The following FSIP1 variants were observed in gnomAD, a reference collection of about 807,000 sequenced individuals.
FSIP1 encodes the protein fibrous sheath-interacting protein 1.
FSIP1 carries 65 observed loss-of-function variants against 60.9 expected under a neutral mutation model. The observed-to-expected ratio is 1.07, with a 90% CI of 0.87 to 1.31. The LOEUF (loss-of-function observed/expected upper bound fraction) is 1.31. Ranked by LOEUF, FSIP1 falls within the 40% of genes most tolerant of loss-of-function variation. The pLI is 0.00. For synonymous variants in FSIP1, 209 were observed against 221.2 expected, an observed-to-expected ratio of 0.94 and a Z score of 0.49; for missense variants, 675 against 665.5, an observed-to-expected ratio of 1.01 and a Z score of -0.16.
intron 10 of FSIP1, among the ~76,000 whole-genome samples, chr15:39,632,178 T>TTTG (rs1006405087): frequency 5.9e-5 from 9 of 152,192 alleles, no homozygotes; most frequent in East Asian, 5.8e-4. Context: ...TCTGATTTTC[T>TTTG]TTGTTGTTGT....
chr15:39,713,546 T>C lies in FSIP1; in HGVS notation c.1086A>G (p.Val362=), dbSNP rs1257376065. 3 of 1,605,678 alleles carry C rather than the reference T, an allele frequency of 1.9e-6. No homozygotes were observed. Among genetic ancestry groups the C allele is most frequent in the Admixed American group, 1.7e-5 (1 of 58,630 alleles). The change falls in exon 10 of 12, where the codon GTA becomes GTG. Residue 362 remains valine, a synonymous_variant. Transcript: ENST00000350221. The stretch of plus-strand genomic sequence containing the variant: ...TCCTAAGTATCTTTTCTCCTGGAGT[T>C]ACTTCCATATTTCTTTCACCATCAC... The part of the protein sequence containing the change: ...PDRDGERNME[V]TPGEKILRNT...
At chr15:39,606,655 A>C (rs1477748363) in intron 11 of FSIP1, among the ~76,000 whole-genome samples, 1 of 152,156 alleles carries the variant, frequency 6.6e-6, no homozygotes, top group African/African-American at 2.4e-5. Context: ...TGTTCACTCA[A>C]CAGGTCCAAC....
At chr15:39,697,258 C>A (rs1454600827) in intron 10 of FSIP1, among the ~76,000 whole-genome samples, 1 of 151,914 alleles carries the variant, frequency 6.6e-6, no homozygotes, top group Non-Finnish European at 1.5e-5. Context: ...CAAACAAAAA[C>A]AAAAACAAAA....
chr15:39,710,883 T>C (rs1387117827), intron 10 of FSIP1, among the ~76,000 whole-genome samples: 1 of 152,232 alleles, frequency 6.6e-6, no homozygotes, highest in African/African-American at 2.4e-5. Flanking sequence ...GGCTCATAGT[T>C]GGTATTCAAT....
intron 11 of FSIP1, among the ~76,000 whole-genome samples, chr15:39,615,545 A>G (rs935126117): frequency 1.3e-5 from 2 of 152,234 alleles, no homozygotes; most frequent in African/African-American, 2.4e-5. Flanking sequence ...AATGTAAATT[A>G]AAATCAAAAC....
chr15:39,654,305 CAGT>C (rs1366534194), intron 10 of FSIP1, among the ~76,000 whole-genome samples: 5 of 152,156 alleles, frequency 3.3e-5, no homozygotes, highest in African/African-American at 1.2e-4. Context: ...AATGACAGCA[CAGT>C]AGGTTTGTTT....
At chr15:39,705,622 C>G (rs903781041) in intron 10 of FSIP1, among the ~76,000 whole-genome samples, 1 of 151,868 alleles carries the variant, frequency 6.6e-6, no homozygotes, top group Non-Finnish European at 1.5e-5. Context: ...CGCCAATATA[C>G]GAATATATAT....
At chr15:39,617,266 C>T (rs905231692) in intron 11 of FSIP1, among the ~76,000 whole-genome samples, 2 of 152,042 alleles carry the variant, frequency 1.3e-5, no homozygotes, top group Non-Finnish European at 2.9e-5. Flanking sequence ...AACACTAGAT[C>T]GTGACGAAAC....
chr15:39,757,771 G>A (rs747929674), intron 5 of FSIP1, among the ~76,000 whole-genome samples: 30 of 152,044 alleles, frequency 2.0e-4, no homozygotes, highest in Non-Finnish European at 3.8e-4. Context: ...TCTTCATTTT[G>A]GTGAACTGGT....
intron 2 of FSIP1, among the ~76,000 whole-genome samples, chr15:39,775,040 C>G (rs62004808): frequency 0.45 from 68,456 of 151,986 alleles, 15,935 homozygotes; most frequent in Admixed American, 0.51. Flanking sequence ...AGGGGGAACA[C>G]AGTTTCACTC....
chr15:39,742,672 G>C (rs1303115305), intron 5 of FSIP1, among the ~76,000 whole-genome samples: 3 of 152,156 alleles, frequency 2.0e-5, no homozygotes, highest in African/African-American at 7.2e-5. Context: ...AGCAAACCAA[G>C]TTCAGACACC....
intron 10 of FSIP1, among the ~76,000 whole-genome samples, chr15:39,659,626 TTA>T (rs1893216683): frequency 7.5e-6 from 1 of 133,780 alleles, no homozygotes. Flanking sequence ...AGCTGTTATT[TTA>T]AAAAAAAAAA....
intron 8 of FSIP1, among the ~76,000 whole-genome samples, chr15:39,736,676 C>T (rs1896620776): frequency 6.6e-6 from 1 of 152,194 alleles, no homozygotes; most frequent in African/African-American, 2.4e-5. Context: ...AAAAAAACTA[C>T]GCTCTGAATC....
chr15:39,640,135 C>T (rs1366302153), intron 10 of FSIP1, among the ~76,000 whole-genome samples: 1 of 152,068 alleles, frequency 6.6e-6, no homozygotes, highest in African/African-American at 2.4e-5. Context: ...ACGCTTAGGA[C>T]CCCAAATAAT....
At chr15:39,700,435 T>C (rs1895010848) in intron 10 of FSIP1, among the ~76,000 whole-genome samples, 1 of 152,242 alleles carries the variant, frequency 6.6e-6, no homozygotes. Context: ...TCTATACTCT[T>C]AGCAGAGCAT....
chr15:39,767,413 T>C (rs887055811), intron 3 of FSIP1, among the ~76,000 whole-genome samples: 4 of 152,148 alleles, frequency 2.6e-5, no homozygotes, highest in African/African-American at 7.2e-5. Context: ...CTAATTTCAA[T>C]TATAATATCT....
At chr15:39,621,653 T>C (rs1891445104) in intron 10 of FSIP1, among the ~76,000 whole-genome samples, 1 of 152,236 alleles carries the variant, frequency 6.6e-6, no homozygotes, top group Non-Finnish European at 1.5e-5. Flanking sequence ...CTTTAGAGTG[T>C]AGCCTGGGTA....
chr15:39,776,622 T>TTGTTTTAAAGATTATGTTTTAAAGATTA (rs1898074151), intron 1 of FSIP1, 91 bp from the exon 2 acceptor site: 36 of 1,180,394 alleles, frequency 3.0e-5, no homozygotes, highest in Non-Finnish European at 4.3e-5. Flanking sequence ...CTCAGAGGCT[T>TTGTTTTAAAGATTATGTTTTAAAGATTA]TGTTTTAAAG....
intron 5 of FSIP1, among the ~76,000 whole-genome samples, chr15:39,758,637 C>T (rs1897380308): frequency 6.6e-6 from 1 of 151,914 alleles, no homozygotes; most frequent in Admixed American, 6.6e-5. Context: ...GGTCTTTAGA[C>T]ATTTAAATAA....
Sources: allele counts gnomAD v4.1 joint callset (sites outside exome capture counted in the v4.1 genomes callset), GRCh38; gene constraint gnomAD v4.1.1; transcripts MANE v1.5; gene names NCBI Gene and HGNC (gene_info 2026-07-23, HGNC 2026-07-21).